Variants in ARHGEF4 observed in about 807,000 individuals in gnomAD.
The protein encoded by ARHGEF4 is Rho guanine nucleotide exchange factor 4.
ARHGEF4 carries 119 observed loss-of-function variants against 162.0 expected under a neutral mutation model. The observed-to-expected ratio is 0.73, with a 90% confidence interval of 0.63 to 0.86. ARHGEF4 has a LOEUF of 0.86. ARHGEF4 is among the 40% of genes least tolerant of loss of function. ARHGEF4 has a pLI of 0.00. For synonymous variants in ARHGEF4, 1,014 were observed against 979.9 expected (o/e 1.03, Z -0.65); for missense variants, 2,488 against 2,456.0 (o/e 1.01, Z -0.28).
chr2:130,909,656 TAAAAA>T (rs113498526), intron 1 of ARHGEF4, among the ~76,000 whole-genome samples: 1 of 145,376 alleles, frequency 6.9e-6, no homozygotes, highest in Admixed American at 6.9e-5. Flanking sequence ...AATAAAGTTG[TAAAAA>T]AAAAAAGTAA....
chr2:130,866,823 G>A (rs1488723607), intron 1 of ARHGEF4, among the ~76,000 whole-genome samples: 2 of 152,180 alleles, frequency 1.3e-5, no homozygotes, highest in Non-Finnish European at 2.9e-5. Flanking sequence ...AGAGCAGTTG[G>A]TGTGTAGTTT....
intron 1 of ARHGEF4, among the ~76,000 whole-genome samples, chr2:130,902,967 G>A (rs1680580836): frequency 6.6e-6 from 1 of 152,132 alleles, no homozygotes; most frequent in Admixed American, 6.5e-5. Context: ...TGCCCAGATT[G>A]TGTAATTTCC....
intron 4 of ARHGEF4, among the ~76,000 whole-genome samples, chr2:130,991,691 C>T (rs1686993676): frequency 6.6e-6 from 1 of 152,246 alleles, no homozygotes; most frequent in Non-Finnish European, 1.5e-5. Flanking sequence ...GCGGGGCAGG[C>T]CTCGGGACTG....
intron 4 of ARHGEF4, among the ~76,000 whole-genome samples, chr2:131,004,935 A>G (rs1052307311): frequency 2.0e-5 from 3 of 152,156 alleles, no homozygotes; most frequent in Non-Finnish European, 4.4e-5. Context: ...GGAGAAGGAT[A>G]ACACCACACA....
chr2:130,973,613 T>C (rs950016267), intron 4 of ARHGEF4, among the ~76,000 whole-genome samples: 1 of 152,164 alleles, frequency 6.6e-6, no homozygotes, highest in Non-Finnish European at 1.5e-5. Context: ...TGGATACCCA[T>C]CATGGACAGT....
intron 5 of ARHGEF4, among the ~76,000 whole-genome samples, chr2:131,032,713 C>T (rs1689931766): frequency 6.6e-6 from 1 of 151,796 alleles, no homozygotes; most frequent in Admixed American, 6.6e-5. Context: ...ACACCTATGT[C>T]TCCCTTCTGC....
At chr2:130,837,531 G>C in intron 1 of ARHGEF4, 1 of 420,222 alleles carries the variant, frequency 2.4e-6, no homozygotes, top group South Asian at 1.7e-5. Context: ...TTGGGCTCCT[G>C]CTCGGGGTGC....
At chr2:130,849,183 T>C (rs1021868702) in intron 1 of ARHGEF4, among the ~76,000 whole-genome samples, 1 of 152,232 alleles carries the variant, frequency 6.6e-6, no homozygotes, top group Non-Finnish European at 1.5e-5. Flanking sequence ...TGTTTCTCAG[T>C]GTGCCCACCT....
chr2:130,976,035 G>A (rs533329804), intron 4 of ARHGEF4, among the ~76,000 whole-genome samples: 2 of 152,188 alleles, frequency 1.3e-5, no homozygotes, highest in African/African-American at 2.4e-5. Flanking sequence ...GTAGCCCAGG[G>A]TCGACCTCAG....
intron 4 of ARHGEF4, among the ~76,000 whole-genome samples, chr2:130,997,676 G>A (rs1439532329): frequency 2.0e-5 from 3 of 152,198 alleles, no homozygotes; most frequent in Admixed American, 2.0e-4. Context: ...CTGGTAATGA[G>A]TGCATAGACT....
intron 3 of ARHGEF4, among the ~76,000 whole-genome samples, chr2:130,944,783 T>C (rs1683505779): frequency 6.6e-6 from 1 of 152,224 alleles, no homozygotes; most frequent in South Asian, 2.1e-4. Flanking sequence ...TTAAAAGTTA[T>C]TGAGATCTCA....
intron 5 of ARHGEF4, among the ~76,000 whole-genome samples, chr2:131,038,642 C>A (rs1321918322): frequency 6.6e-6 from 1 of 152,242 alleles, no homozygotes; most frequent in East Asian, 1.9e-4. Context: ...TCACTTCCGG[C>A]TCCATCACTG....
At chr2:131,002,046 C>CT (rs2105312345) in intron 4 of ARHGEF4, among the ~76,000 whole-genome samples, 2 of 152,216 alleles carry the variant, frequency 1.3e-5, no homozygotes, top group African/African-American at 4.8e-5. Flanking sequence ...ATTTTCTGTA[C>CT]TTTTTTGTAT....
intron 1 of ARHGEF4, among the ~76,000 whole-genome samples, chr2:130,866,691 T>A (rs900379763): frequency 7.2e-5 from 11 of 152,304 alleles, no homozygotes; most frequent in African/African-American, 2.6e-4. Context: ...GTTAATTGAT[T>A]TTTGAACCAG....
intron 1 of ARHGEF4, among the ~76,000 whole-genome samples, chr2:130,911,883 G>T (rs369401387): frequency 6.4e-4 from 97 of 152,338 alleles, no homozygotes; most frequent in African/African-American, 2.3e-3. Context: ...GGTCCTGATC[G>T]TTAGTCATTT....
chr2:130,928,911 TTCTA>T (rs963848244), intron 2 of ARHGEF4, among the ~76,000 whole-genome samples: 13 of 152,308 alleles, frequency 8.5e-5, no homozygotes, highest in South Asian at 4.1e-4. Flanking sequence ...CCTCTCTCTA[TTCTA>T]TCTGTCTGTC....
chr2:130,931,004 G>T lies in ARHGEF4; in HGVS notation c.3605G>T (p.Ser1202Ile). 6.2e-7 allele frequency: 1 copy of T among 1,613,822 alleles called. No homozygotes were observed. The highest frequency in any genetic ancestry group is 1.1e-5 in the South Asian group (1 of 91,076). Residue 1202 changes from serine to isoleucine, a missense_variant, in exon 3 of 14, where the codon AGT (serine) becomes ATT (isoleucine). This residue lies in a region of ARHGEF4 where 1,642 missense variants were observed against 1,481.5 expected (regional missense o/e 1.11). Coordinates refer to ENST00000409359, the MANE Select transcript of ARHGEF4 (RefSeq NM_001367493.1). ...GGTGAGAAGCCCAGTTGCTCTCACA[G>T]TCAGAAGGCGTTCCACATGGAGCCT... Reference protein sequence around the residue: ...PAGEKPSCSHSQKAFHMEPAQ... With the variant: ...PAGEKPSCSHIQKAFHMEPAQ...
In ARHGEF4 at chr2:130,915,377, A is replaced by G. The variant is rs12464119; in HGVS notation, c.1431A>G (p.Gln477=). The change falls in exon 2 of 14, where the codon CAA becomes CAG. Residue 477 remains glutamine (Q), a synonymous_variant. Transcript: ENST00000409359. Reference sequence around the variant, plus strand: ...GAACCCAGGAACCCCAAGGCACCCAACTCGCACCAAGAGCTGCTGATGAGA... The same window carrying G: ...GAACCCAGGAACCCCAAGGCACCCAGCTCGCACCAAGAGCTGCTGATGAGA... The part of the protein sequence containing the change: ...ESRTQEPQGT[Q]LAPRAADERE... The G allele has an allele frequency of 0.65, 1,000,420 of 1,550,396 alleles. 329,828 individuals carry two copies. The highest frequency in any genetic ancestry group is 0.91 in the East Asian group (37,081 of 40,886).
intron 3 of ARHGEF4, among the ~76,000 whole-genome samples, chr2:130,941,579 T>TA (rs1314736092): frequency 6.6e-6 from 1 of 152,158 alleles, no homozygotes; most frequent in African/African-American, 2.4e-5. Context: ...GTTGATAATA[T>TA]AAACAGTCTA....
Sources: allele counts gnomAD v4.1 joint callset (sites outside exome capture counted in the v4.1 genomes callset), GRCh38; gene constraint gnomAD v4.1.1; regional missense constraint gnomAD v4.1.1; transcripts MANE v1.5; gene names NCBI Gene and HGNC (gene_info 2026-07-23, HGNC 2026-07-21).